ACYP2: variants seen among roughly 807,000 people sequenced by gnomAD.
ACYP2 encodes acylphosphatase-2.
ACYP2 carries 12 observed loss-of-function variants against 11.2 expected under a neutral mutation model. That is an observed-to-expected ratio of 1.08 (90% CI 0.69 to 1.74). The LOEUF (loss-of-function observed/expected upper bound fraction) is 1.74, where lower values mean the gene tolerates loss of function less well. Ranked by LOEUF, ACYP2 falls within the 40% of genes most tolerant of loss-of-function variation. The pLI is 0.00. For missense variants in ACYP2, 134 were observed against 101.9 expected, an observed-to-expected ratio of 1.31 and a Z score of -1.35; for synonymous variants, 43 against 32.2, an observed-to-expected ratio of 1.33 and a Z score of -1.13.
chr2:54,188,840 A>G (rs1244428649), intron 6 of ACYP2, among the ~76,000 whole-genome samples: 1 of 151,728 alleles, frequency 6.6e-6, no homozygotes, highest in Admixed American at 6.6e-5. Flanking sequence ...TAGGCTTCAC[A>G]CTCCCGTTCC....
chr2:54,297,940 A>T (rs938875164), intron 6 of ACYP2, among the ~76,000 whole-genome samples: 2 of 152,222 alleles, frequency 1.3e-5, no homozygotes, highest in Non-Finnish European at 2.9e-5. Flanking sequence ...GGGATGTGAA[A>T]GGACTGGATG....
intron 4 of ACYP2, among the ~76,000 whole-genome samples, chr2:54,086,611 G>A (rs1275867724): frequency 6.6e-6 from 1 of 152,202 alleles, no homozygotes; most frequent in Non-Finnish European, 1.5e-5. Context: ...ATTTCAAAGA[G>A]CAACTTATTA....
intron 4 of ACYP2, among the ~76,000 whole-genome samples, chr2:54,077,283 T>C (rs1677394892): frequency 6.6e-6 from 1 of 152,092 alleles, no homozygotes; most frequent in Non-Finnish European, 1.5e-5. Flanking sequence ...CAAAAGACCT[T>C]TGTTTGTGAC....
intron 6 of ACYP2, among the ~76,000 whole-genome samples, chr2:54,276,017 A>G (rs369487552): frequency 5.3e-4 from 81 of 152,168 alleles, no homozygotes; most frequent in African/African-American, 1.4e-3. Context: ...TAGAACTTAA[A>G]TAGCTTACAT....
intron 2 of ACYP2, among the ~76,000 whole-genome samples, chr2:54,006,281 G>T (rs1466515992): frequency 6.6e-6 from 1 of 152,092 alleles, no homozygotes; most frequent in Non-Finnish European, 1.5e-5. Flanking sequence ...CCAAGTAGCT[G>T]GGATTACAGG....
At chr2:54,153,285 G>A (rs1682267966) in intron 6 of ACYP2, among the ~76,000 whole-genome samples, 1 of 151,620 alleles carries the variant, frequency 6.6e-6, no homozygotes, top group Non-Finnish European at 1.5e-5. Context: ...TCAGTTGACT[G>A]TAAATATGTG....
intron 6 of ACYP2, among the ~76,000 whole-genome samples, chr2:54,230,987 C>G (rs906376192): frequency 6.6e-6 from 1 of 151,576 alleles, no homozygotes; most frequent in Non-Finnish European, 1.5e-5. Flanking sequence ...CCTGCCACCA[C>G]GCCCAGCTAA....
At position 54,197,057 on chromosome 2, in the gene ACYP2, C is replaced by A. The variant is rs111412594; in HGVS notation, c.404+58309C>A. Among the ~76,000 whole-genome samples the A allele has an allele frequency of 8.5e-3, 1,290 of 152,258 alleles. 16 individuals carry two copies. Among genetic ancestry groups the A allele is most frequent in the African/African-American group, 0.03 (1,234 of 41,546 alleles). ...CTAACAAGATTAGGTAGTATTATAA[C>A]CCCCCTTTACAGAGGAGCAAAATGA... On this transcript the variant is annotated intron_variant, in intron 6 of 6. Coordinates refer to ENST00000607452, the MANE Select transcript of ACYP2 (RefSeq NM_001320586.2).
intron 4 of ACYP2, among the ~76,000 whole-genome samples, chr2:54,134,600 T>C (rs1038742838): frequency 3.3e-5 from 5 of 152,240 alleles, no homozygotes; most frequent in Admixed American, 6.5e-5. Context: ...TTTATTTGGA[T>C]TCAGCAGAAT....
chr2:54,216,603 T>C (rs1685570332), intron 6 of ACYP2, among the ~76,000 whole-genome samples: 1 of 151,864 alleles, frequency 6.6e-6, no homozygotes, highest in Non-Finnish European at 1.5e-5. Flanking sequence ...AGTGGCGCAG[T>C]CTCAGCTCAC....
At chr2:54,042,861 C>T (rs942847078) in intron 2 of ACYP2, among the ~76,000 whole-genome samples, 3 of 152,174 alleles carry the variant, frequency 2.0e-5, no homozygotes, top group Admixed American at 6.5e-5. Context: ...CAAGAAGCAA[C>T]GTGGAAGACC....
intron 6 of ACYP2, among the ~76,000 whole-genome samples, chr2:54,222,503 T>C (rs1246567577): frequency 1.3e-5 from 2 of 149,734 alleles, no homozygotes; most frequent in African/African-American, 4.9e-5. Context: ...TGAGCCAAGA[T>C]TGGGCCACTG....
rs563409319 is a variant in ACYP2 at position 54,301,304 on chromosome 2, T to C, written c.405-3384T>C. 9.2e-5 allele frequency among the ~76,000 whole-genome samples: 14 copies of C among 152,350 alleles called. No individual in the cohort carries two copies. In the South Asian group the frequency reaches 2.1e-3, roughly 23 times the overall value. ...TTGGGGAAAAAAACCAAAACACTAA[T>C]GTCTTCCTTAAAACTTAGCTCAAAT... On this transcript the variant is annotated intron_variant, in intron 6 of 6. Coordinates refer to ENST00000607452, the MANE Select transcript of ACYP2 (RefSeq NM_001320586.2).
intron 6 of ACYP2, among the ~76,000 whole-genome samples, chr2:54,176,805 AG>A (rs1351201535): frequency 6.6e-6 from 1 of 152,136 alleles, no homozygotes; most frequent in Non-Finnish European, 1.5e-5. Context: ...TGTTGTTGAG[AG>A]GGTACCAAAG....
intron 2 of ACYP2, among the ~76,000 whole-genome samples, chr2:53,986,509 G>A (rs1004147034): frequency 3.3e-5 from 5 of 151,570 alleles, no homozygotes; most frequent in African/African-American, 1.2e-4. Context: ...GCTAATTTGT[G>A]TATTTTTAGT....
intron 5 of ACYP2, among the ~76,000 whole-genome samples, chr2:54,137,858 A>G (rs1681350208): frequency 6.6e-6 from 1 of 152,210 alleles, no homozygotes; most frequent in Non-Finnish European, 1.5e-5. Flanking sequence ...GAATTGCCAC[A>G]GTGCTTTCCA....
intron 4 of ACYP2, among the ~76,000 whole-genome samples, chr2:54,068,135 T>C (rs1464469275): frequency 2.0e-5 from 3 of 152,224 alleles, no homozygotes; most frequent in African/African-American, 7.2e-5. Context: ...GATTCTCTAA[T>C]GCTCTTGGGA....
chr2:54,123,565 T>C (rs1228435226), intron 4 of ACYP2, among the ~76,000 whole-genome samples: 2 of 152,116 alleles, frequency 1.3e-5, no homozygotes, highest in Non-Finnish European at 2.9e-5. Context: ...TTCCAGAACA[T>C]TTCCATCACC....
chr2:54,173,970 C>T (rs559872772), intron 6 of ACYP2, among the ~76,000 whole-genome samples: 1 of 152,256 alleles, frequency 6.6e-6, no homozygotes, highest in East Asian at 1.9e-4. Context: ...TAGTGTGATG[C>T]CTCCAGCTTT....
Sources: allele counts gnomAD v4.1 joint callset (sites outside exome capture counted in the v4.1 genomes callset), GRCh38; gene constraint gnomAD v4.1.1; transcripts MANE v1.5; gene names NCBI Gene and HGNC (gene_info 2026-07-23, HGNC 2026-07-21).